The following MTHFD1 variants were observed in gnomAD, a reference collection of about 807,000 sequenced individuals.
MTHFD1 encodes the protein methylenetetrahydrofolate dehydrogenase, cyclohydrolase and formyltetrahydrofolate synthetase 1, also known as C-1-tetrahydrofolate synthase, cytoplasmic.
MTHFD1 carries 44 observed loss-of-function variants against 110.3 expected under a neutral mutation model. The ratio of observed to expected loss-of-function variants is 0.40; its 90% CI spans 0.31 to 0.51. The LOEUF is 0.51. MTHFD1 is among the 20% of genes least tolerant of loss of function. The probability of loss-of-function intolerance (pLI) is 0.60; values close to 1 mark genes in which losing one functional copy is unlikely to be tolerated. For synonymous variants in MTHFD1, 402 were observed against 428.8 expected (o/e 0.94, Z 0.77); for missense variants, 909 against 1,173.1 (o/e 0.77, Z 3.29).
intron 3 of MTHFD1, among the ~76,000 whole-genome samples, chr14:64,411,938 GA>G (rs1347748303): frequency 6.6e-6 from 1 of 152,076 alleles, no homozygotes; most frequent in Non-Finnish European, 1.5e-5. Flanking sequence ...TGGGGCAGAG[GA>G]AAAATGCAGG....
At chr14:64,448,836 G>C (rs973655097) in intron 23 of MTHFD1, among the ~76,000 whole-genome samples, 1 of 150,174 alleles carries the variant, frequency 6.7e-6, no homozygotes, top group South Asian at 2.1e-4. Context: ...GTCTGTCTCT[G>C]TTGCCCAGGC....
chr14:64,450,442 C>T (rs929646193), intron 24 of MTHFD1, among the ~76,000 whole-genome samples: 1 of 152,164 alleles, frequency 6.6e-6, no homozygotes. Context: ...CAGGAAGCTT[C>T]ATCATTTTTT....
intron 25 of MTHFD1, among the ~76,000 whole-genome samples, chr14:64,454,073 G>C (rs2078423553): frequency 6.6e-6 from 1 of 152,190 alleles, no homozygotes. Context: ...AGAAATCCAT[G>C]AGGAAATACA....
chr14:64,439,167 C>T lies in MTHFD1; in HGVS notation c.1669C>T (p.Arg557Trp), dbSNP rs776643263. 49 of 1,612,644 alleles carry T rather than the reference C, an allele frequency of 3.0e-5. No homozygotes were observed. Among genetic ancestry groups the T allele is most frequent in the African/African-American group, 5.3e-5 (4 of 74,880 alleles). ...GQAPTEKGHT[R>W]TAQFDISVAS... ...GGCTCCAACGGAGAAGGGTCACACA[C>T]GGACGGTAACAATTTGTCCCTTTCC... is the stretch of plus-strand genomic sequence containing the variant. Residue 557 changes from arginine to tryptophan, a missense_variant, in exon 17 of 28, where the codon CGG (arginine) becomes TGG (tryptophan). Arg to Trp is a moderately radical substitution (Grantham distance 101, BLOSUM62 -3). Coordinates refer to ENST00000652337, the MANE Select transcript of MTHFD1 (RefSeq NM_005956.4).
chr14:64,444,908 G>A (rs1027547763), intron 22 of MTHFD1, 174 bp downstream of exon 22: 2 of 697,284 alleles, frequency 2.9e-6, no homozygotes, highest in Non-Finnish European at 5.1e-6. Context: ...TAGGGAAGAT[G>A]TACCTCACAA....
In MTHFD1 at chr14:64,415,757, A is replaced by T; in HGVS notation, c.478+18A>T. On this transcript the variant is annotated intron_variant, in intron 6 of 27. Transcript: ENST00000652337. ...AGAGACAGGTAAAAACAACAAACCA[A>T]ACAACAAGAAAGCACCATTTCCTGA... The T allele has an allele frequency of 6.2e-7, 1 of 1,611,674 alleles. No homozygotes were observed. The highest frequency in any genetic ancestry group is 2.2e-5 in the East Asian group (1 of 44,864).
chr14:64,415,205 G>A (rs1254671949), intron 4 of MTHFD1, among the ~76,000 whole-genome samples, 153 bp from the exon 5 acceptor site: 2 of 152,114 alleles, frequency 1.3e-5, no homozygotes, highest in Non-Finnish European at 2.9e-5. Context: ...AAGTACAGGT[G>A]CTCTCAGGAT....
In MTHFD1 at chr14:64,454,836, C is replaced by T. The variant is rs371245049; in HGVS notation, c.2679C>T (p.Ala893=). 1 of 1,614,232 alleles carries T rather than the reference C, an allele frequency of 6.2e-7. No individual in the cohort carries two copies. Among genetic ancestry groups the T allele is most frequent in the Non-Finnish European group, 8.5e-7 (1 of 1,180,042 alleles). The change falls in exon 26 of 28, where the codon GCC becomes GCT. Residue 893 remains alanine (A), a synonymous_variant. Coordinates refer to ENST00000652337, the MANE Select transcript of MTHFD1 (RefSeq NM_005956.4). ...TTCTGCCCATTCGCGACATCCGCGC[C>T]AGCGTTGGGGCTGGTTTTCTGTACC... ...GFILPIRDIR[A]SVGAGFLYPL...
intron 1 of MTHFD1, among the ~76,000 whole-genome samples, chr14:64,400,217 C>T (rs2077885517): frequency 6.6e-6 from 1 of 151,306 alleles, no homozygotes; most frequent in South Asian, 2.1e-4. Context: ...AGAGAATCTC[C>T]ACGTTTACTA....
In MTHFD1 at chr14:64,388,482, A is replaced by T. The variant is rs1566549719; in HGVS notation, c.41+14A>T. 1 of 1,612,134 alleles carries T rather than the reference A, an allele frequency of 6.2e-7. No homozygotes were observed. The highest frequency in any genetic ancestry group is 1.7e-5 in the Admixed American group (1 of 59,988). ...GGAGATCTCCGCGTAAGCACCTGAC[A>T]TTGTTGTTGAGTGTGGGGCTGTGGA... is the stretch of plus-strand genomic sequence containing the variant. On this transcript the variant is annotated intron_variant, in intron 1 of 27. Coordinates refer to ENST00000652337, the MANE Select transcript of MTHFD1 (RefSeq NM_005956.4).
At chr14:64,425,374 G>T (rs926436586) in intron 9 of MTHFD1, among the ~76,000 whole-genome samples, 1 of 151,912 alleles carries the variant, frequency 6.6e-6, no homozygotes, top group African/African-American at 2.4e-5. Flanking sequence ...CACCACGCCC[G>T]GCGAATTTTG....
intron 22 of MTHFD1, among the ~76,000 whole-genome samples, chr14:64,447,248 G>A (rs1304658666): frequency 6.8e-6 from 1 of 146,578 alleles, no homozygotes; most frequent in Non-Finnish European, 1.5e-5. Flanking sequence ...CTCCGCCTCT[G>A]GGGTTCAAGT....
chr14:64,455,497 T>C (rs1443941277), intron 26 of MTHFD1, among the ~76,000 whole-genome samples: 1 of 152,184 alleles, frequency 6.6e-6, no homozygotes, highest in Non-Finnish European at 1.5e-5. Context: ...GGAGGGATGC[T>C]TAAGGACATA....
intron 21 of MTHFD1, 75 bp downstream of exon 21, chr14:64,442,477 G>A: frequency 6.8e-7 from 1 of 1,476,346 alleles, no homozygotes; most frequent in Non-Finnish European, 9.4e-7. Flanking sequence ...ACTTCTGCCT[G>A]TTTCTTCATT....
intron 15 of MTHFD1, among the ~76,000 whole-genome samples, chr14:64,434,136 A>G (rs17101851): frequency 0.054 from 8,259 of 152,294 alleles, 364 homozygotes; most frequent in African/African-American, 0.13. Flanking sequence ...AGGGACAAAC[A>G]TGTTAATAAT....
chr14:64,458,355 A>T (rs1247762398), intron 27 of MTHFD1, 48 bp downstream of exon 27: 2 of 1,179,226 alleles, frequency 1.7e-6, no homozygotes, highest in Non-Finnish European at 2.6e-6. Flanking sequence ...CATGTAGCTT[A>T]TTTATGAATT....
chr14:64,458,497 T>G, intron 27 of MTHFD1, 190 bp downstream of exon 27: 2 of 622,222 alleles, frequency 3.2e-6, no homozygotes. Flanking sequence ...TATTTATATT[T>G]CAACACATTT....
chr14:64,390,327 T>A (rs2077794381), intron 1 of MTHFD1: 1 of 149,916 alleles, frequency 6.7e-6, no homozygotes, highest in African/African-American at 2.5e-5. Flanking sequence ...TTTTTTTTTT[T>A]ACATGGTAGC....
At chr14:64,433,968 T>G (rs531789657) in intron 15 of MTHFD1, among the ~76,000 whole-genome samples, 1 of 152,194 alleles carries the variant, frequency 6.6e-6, no homozygotes, top group South Asian at 2.1e-4. Flanking sequence ...AGGCGGAGGT[T>G]GCAGTGAGCT....
Sources: gnomAD v4.1 joint callset for allele counts (sites outside exome capture counted in the v4.1 genomes callset) on GRCh38, gnomAD v4.1.1 for gene constraint, MANE v1.5 for transcripts, NCBI Gene and HGNC (gene_info 2026-07-23, HGNC 2026-07-21) for gene names.